NOS1AP: variants seen among roughly 807,000 people sequenced by gnomAD.
NOS1AP encodes the protein nitric oxide synthase 1 adaptor protein, also known as carboxyl-terminal PDZ ligand of neuronal nitric oxide synthase protein.
A neutral mutation model predicts 56.2 loss-of-function variants in NOS1AP; 21 were observed. The ratio of observed to expected loss-of-function variants is 0.37; its 90% CI spans 0.26 to 0.54. The LOEUF (loss-of-function observed/expected upper bound fraction) is 0.54, where lower values mean the gene tolerates loss of function less well. NOS1AP is among the 20% of genes least tolerant of loss of function. The probability of loss-of-function intolerance (pLI) is 0.84; values close to 1 mark genes in which losing one functional copy is unlikely to be tolerated. For synonymous variants in NOS1AP, 270 were observed against 274.6 expected, an observed-to-expected ratio of 0.98 and a Z score of 0.17; for missense variants, 522 against 657.8, an observed-to-expected ratio of 0.79 and a Z score of 2.26.
At chr1:162,113,348 C>G (rs1467016036) in intron 1 of NOS1AP, among the ~76,000 whole-genome samples, 1 of 152,156 alleles carries the variant, frequency 6.6e-6, no homozygotes, top group Non-Finnish European at 1.5e-5. Context: ...TGTCTGGCGG[C>G]CCAGTGGGGT....
intron 8 of NOS1AP, chr1:162,363,694 C>G (rs1657975804): frequency 1.4e-6 from 1 of 697,086 alleles, no homozygotes; most frequent in South Asian, 6.5e-5. Context: ...TCTTACCACT[C>G]TGGAGATCTC....
intron 4 of NOS1AP, among the ~76,000 whole-genome samples, chr1:162,329,019 T>C (rs903836670): frequency 1.3e-5 from 2 of 152,120 alleles, no homozygotes; most frequent in African/African-American, 4.8e-5. Flanking sequence ...TGGTGGTGAA[T>C]CTAGTTGTTT....
intron 4 of NOS1AP, among the ~76,000 whole-genome samples, chr1:162,319,682 C>T (rs1656349820): frequency 1.3e-5 from 2 of 152,100 alleles, no homozygotes; most frequent in African/African-American, 4.8e-5. Flanking sequence ...TCCTCAGTGC[C>T]CAGGGAGGCT....
Position 162,322,642 on chromosome 1 carries a change from A to G in NOS1AP, c.345-10375A>G, listed in dbSNP as rs547948637. On this transcript the variant is annotated intron_variant, in intron 4 of 9. Transcript: ENST00000361897. ...TTGAAGAAACATGGATGGAAAGTGG[A>G]CAATCAGTCAGGGATGATAAAGAAA... is the stretch of plus-strand genomic sequence containing the variant. 2.0e-5 allele frequency among the ~76,000 whole-genome samples: 3 copies of G among 152,332 alleles called. No homozygotes were observed. The East Asian group carries it at 5.8e-4, about 29-fold the overall frequency.
intron 1 of NOS1AP, among the ~76,000 whole-genome samples, chr1:162,084,064 C>T (rs1691952697): frequency 6.6e-6 from 1 of 152,174 alleles, no homozygotes; most frequent in Admixed American, 6.5e-5. Context: ...AGACTTTTGA[C>T]TTTTTAATTG....
At chr1:162,249,904 T>C (rs1653794197) in intron 2 of NOS1AP, among the ~76,000 whole-genome samples, 2 of 152,270 alleles carry the variant, frequency 1.3e-5, no homozygotes, top group Admixed American at 1.3e-4. Context: ...GATAGATGAG[T>C]AGCAGTGAAT....
At chr1:162,225,153 C>G (rs1195175092) in intron 2 of NOS1AP, among the ~76,000 whole-genome samples, 1 of 152,174 alleles carries the variant, frequency 6.6e-6, no homozygotes, top group Non-Finnish European at 1.5e-5. Flanking sequence ...CAAACTTTAG[C>G]CATGTCTGAG....
At chr1:162,196,617 A>T (rs1651813517) in intron 2 of NOS1AP, among the ~76,000 whole-genome samples, 1 of 152,220 alleles carries the variant, frequency 6.6e-6, no homozygotes, top group Non-Finnish European at 1.5e-5. Context: ...CCAGTTCTCA[A>T]GGGAGAGTCG....
intron 1 of NOS1AP, among the ~76,000 whole-genome samples, chr1:162,135,576 G>C (rs1167319689): frequency 6.6e-6 from 1 of 152,132 alleles, no homozygotes; most frequent in Admixed American, 6.5e-5. Flanking sequence ...TCTCCCAAGG[G>C]GGCAGCCAGG....
intron 2 of NOS1AP, among the ~76,000 whole-genome samples, chr1:162,164,758 G>A (rs1278929612): frequency 6.6e-6 from 1 of 152,092 alleles, no homozygotes; most frequent in Non-Finnish European, 1.5e-5. Flanking sequence ...CATGACACAG[G>A]GTCTGGTGTG....
At chr1:162,277,162 A>G (rs1230051766) in intron 2 of NOS1AP, among the ~76,000 whole-genome samples, 2 of 152,186 alleles carry the variant, frequency 1.3e-5, no homozygotes, top group Admixed American at 6.5e-5. Context: ...AGTGATTTAT[A>G]TGGACCTTCA....
intron 1 of NOS1AP, among the ~76,000 whole-genome samples, chr1:162,102,155 GT>G (rs1465274999): frequency 2.0e-5 from 3 of 152,158 alleles, no homozygotes; most frequent in Non-Finnish European, 4.4e-5. Flanking sequence ...TAACGTGAAG[GT>G]ATGTTGAATT....
At chr1:162,191,784 C>T (rs1465647164) in intron 2 of NOS1AP, among the ~76,000 whole-genome samples, 1 of 152,024 alleles carries the variant, frequency 6.6e-6, no homozygotes, top group Non-Finnish European at 1.5e-5. Context: ...GAAAGTTGGC[C>T]CATTAATTTT....
intron 2 of NOS1AP, among the ~76,000 whole-genome samples, chr1:162,201,205 A>G (rs1651980562): frequency 6.6e-6 from 1 of 152,188 alleles, no homozygotes. Flanking sequence ...AATGGTCTCC[A>G]GCTCCATCCA....
chr1:162,221,520 G>GCACA (rs1295505482), intron 2 of NOS1AP, among the ~76,000 whole-genome samples: 1 of 100,732 alleles, frequency 9.9e-6, no homozygotes, highest in African/African-American at 4.0e-5. Context: ...ACACACACAC[G>GCACA]CACACACACG....
rs1417485650 is a variant in NOS1AP at position 162,367,653 on chromosome 1, G to C, written c.*186G>C. The C allele has an allele frequency of 1.5e-6, 1 of 681,798 alleles. No homozygotes were observed. The highest frequency in any genetic ancestry group is 2.4e-6 in the Non-Finnish European group (1 of 413,680). The allele number at this position is 681,798 out of a possible 1,614,324, so 42.2% of individuals were successfully genotyped here. A position where few individuals can be genotyped will look rare whatever the true frequency, so the allele number is the denominator to read the frequency against. ...GGAGGGTAAAGTGGGGAAGAAATCG[G>C]ATTCCCAGAGGTGAATCAGCTCCTC... On this transcript the variant is annotated 3_prime_UTR_variant, in exon 10 of 10. Transcript: ENST00000361897. This position sits in a 1 kb window ranked among gnomAD's most constrained non-coding sequence, Gnocchi z 6.5.
intron 2 of NOS1AP, among the ~76,000 whole-genome samples, chr1:162,190,202 A>G (rs959325899): frequency 6.6e-6 from 1 of 152,172 alleles, no homozygotes; most frequent in Admixed American, 6.5e-5. Flanking sequence ...GTTCACATAG[A>G]ACGTGTTTCA....
chr1:162,087,182 C>G (rs1191670942), intron 1 of NOS1AP, among the ~76,000 whole-genome samples: 1 of 152,122 alleles, frequency 6.6e-6, no homozygotes, highest in Non-Finnish European at 1.5e-5. Flanking sequence ...GCTGACATCC[C>G]TTGAATGCTA....
chr1:162,171,197 G>A (rs1650763600), intron 2 of NOS1AP, among the ~76,000 whole-genome samples: 2 of 152,172 alleles, frequency 1.3e-5, no homozygotes, highest in Non-Finnish European at 2.9e-5. Flanking sequence ...GCGGGAGGGT[G>A]CAGAGATCAA....
Sources: gnomAD v4.1 joint callset for allele counts (sites outside exome capture counted in the v4.1 genomes callset) on GRCh38, gnomAD v4.1.1 for gene constraint, Gnocchi (gnomAD v3.1) non-coding constraint, MANE v1.5 for transcripts, NCBI Gene and HGNC (gene_info 2026-07-23, HGNC 2026-07-21) for gene names.